The following SUZ12 variants were observed in gnomAD, a reference collection of about 807,000 sequenced individuals.
SUZ12 encodes the protein SUZ12 polycomb repressive complex 2 subunit.
Under a neutral mutation model 87.3 loss-of-function variants are expected in SUZ12, and 17 were observed. The ratio of observed to expected loss-of-function variants is 0.19; its 90% CI spans 0.13 to 0.29. SUZ12 has a LOEUF of 0.29. Among genes scored for constraint, SUZ12 ranks in the 10% least tolerant of loss-of-function variants. The pLI, the probability that SUZ12 is intolerant of heterozygous loss-of-function variation, is 1.00. For synonymous variants in SUZ12, 253 were observed against 312.4 expected (o/e 0.81, Z 2.01); for missense variants, 526 against 912.2 (o/e 0.58, Z 5.45).
At chr17:31,978,711 G>T (rs1042580981) in intron 8 of SUZ12, among the ~76,000 whole-genome samples, 11 of 152,078 alleles carry the variant, frequency 7.2e-5, no homozygotes, top group African/African-American at 2.7e-4. Context: ...CACTGTACCT[G>T]ACACATATGT....
chr17:31,990,771 A>G (rs372830143), intron 10 of SUZ12, among the ~76,000 whole-genome samples: 77 of 151,938 alleles, frequency 5.1e-4, no homozygotes, highest in African/African-American at 1.7e-3. Flanking sequence ...TTTTTGAGAC[A>G]GGGTTTCTCT....
intron 3 of SUZ12, among the ~76,000 whole-genome samples, chr17:31,945,176 G>T (rs1235232177): frequency 6.6e-6 from 1 of 151,640 alleles, no homozygotes; most frequent in Admixed American, 6.6e-5. Context: ...CTCATTTGCT[G>T]TTGTCTTCAG....
intron 4 of SUZ12, among the ~76,000 whole-genome samples, chr17:31,965,239 T>C (rs1489743835): frequency 6.6e-6 from 1 of 152,170 alleles, no homozygotes; most frequent in East Asian, 1.9e-4. Context: ...TCAGTACTGC[T>C]TTCCTTTCCC....
chr17:31,957,895 C>CTT lies in SUZ12; in HGVS notation c.456-8228_456-8227dup, dbSNP rs1181314058. On this transcript the variant is annotated intron_variant, in intron 4 of 15. Transcript: ENST00000322652. The stretch of plus-strand genomic sequence containing the variant: ...ACCTGGCCCTGGCTCACCTTTTGTC[C>CTT]TTTTTTTTTTTTTTTTTTTTTTTTT... 7.4e-4 allele frequency among the ~76,000 whole-genome samples: 68 copies of CTT among 91,330 alleles called. 7 individuals are homozygous for CTT. Among genetic ancestry groups the CTT allele is most frequent in the Admixed American group, 1.1e-3 (9 of 8,104 alleles). 59.9% of individuals were successfully genotyped at this position (91,330 alleles called of 152,430 possible).
In SUZ12 at chr17:31,940,524, A is replaced by G. The variant is rs375353948; in HGVS notation, c.386+38A>G. ...AATCTTATTTCAAGCTGATCAAACCATGTTAGTTTTATTTTAAAGTACTAT... is the reference window on the plus strand; with the variant it reads ...AATCTTATTTCAAGCTGATCAAACCGTGTTAGTTTTATTTTAAAGTACTAT... On this transcript the variant is annotated intron_variant, in intron 3 of 15. Transcript: ENST00000322652. 1.5e-5 allele frequency: 22 copies of G among 1,509,276 alleles called. No homozygotes were observed. In the Admixed American group the frequency reaches 5.2e-4, roughly 36 times the overall value. 93.5% of individuals were successfully genotyped at this position (1,509,276 alleles called of 1,614,324 possible).
rs1422763235 is a variant in SUZ12 at position 32,000,217 on chromosome 17, TA to T, written c.*1217del. On this transcript the variant is annotated 3_prime_UTR_variant, in exon 16 of 16. Transcript: ENST00000322652. ...ATTGCATTTTCATATTCTTTATTTA[TA>T]AAGGATCAATGCTGCTGTAAATACA... 4.3e-6 allele frequency: 1 copy of T among 233,182 alleles called. No individual in the cohort carries two copies. Among genetic ancestry groups the T allele is most frequent in the African/African-American group, 2.2e-5 (1 of 45,342 alleles). 14.4% of individuals were successfully genotyped at this position (233,182 alleles called of 1,614,324 possible). A position where few individuals can be genotyped will look rare whatever the true frequency, so the allele number is the denominator to read the frequency against.
intron 4 of SUZ12, among the ~76,000 whole-genome samples, chr17:31,959,787 T>C (rs894041778): frequency 1.3e-5 from 2 of 152,240 alleles, no homozygotes; most frequent in African/African-American, 4.8e-5. Context: ...TTCAAAGTGT[T>C]AGTCTCTTAT....
intron 5 of SUZ12, chr17:31,967,545 C>T (rs945443711): frequency 6.6e-6 from 1 of 152,136 alleles, no homozygotes; most frequent in African/African-American, 2.4e-5. Context: ...CAGTGGCACT[C>T]CAGCCTGGTG....
chr17:31,956,679 C>A (rs867902559), intron 4 of SUZ12, among the ~76,000 whole-genome samples: 75 of 152,008 alleles, frequency 4.9e-4, no homozygotes, highest in East Asian at 3.1e-3. Flanking sequence ...GCACTTCTCG[C>A]CTAGTATTGT....
At chr17:31,958,057 C>T (rs1330761693) in intron 4 of SUZ12, among the ~76,000 whole-genome samples, 3 of 151,856 alleles carry the variant, frequency 2.0e-5, no homozygotes, top group African/African-American at 7.3e-5. Flanking sequence ...CGCCTGCCAT[C>T]ACGCCCGGCT....
intron 4 of SUZ12, among the ~76,000 whole-genome samples, chr17:31,949,668 C>T: frequency 2.6e-5 from 2 of 75,556 alleles, no homozygotes; most frequent in Non-Finnish European, 5.9e-5. Context: ...CAGCCCCCCC[C>T]CCCCCCCCTT....
Position 31,999,112 on chromosome 17 carries a change from T to G in SUZ12, c.*109T>G, listed in dbSNP as rs143901922. 4.3e-5 allele frequency: 38 copies of G among 883,038 alleles called. No homozygotes were observed. The East Asian group carries it at 1.1e-3, about 25-fold the overall frequency. 54.7% of individuals were successfully genotyped at this position (883,038 alleles called of 1,614,324 possible). A position where few individuals can be genotyped will look rare whatever the true frequency, so the allele number is the denominator to read the frequency against. ...ATCATATGTTCCAAACAGGCACTGTTAGATGAAGTAAATGATTTCAACAAG... is the reference window on the plus strand; with the variant it reads ...ATCATATGTTCCAAACAGGCACTGTGAGATGAAGTAAATGATTTCAACAAG... On this transcript the variant is annotated 3_prime_UTR_variant, in exon 16 of 16. Coordinates refer to ENST00000322652, the MANE Select transcript of SUZ12 (RefSeq NM_015355.4).
At chr17:31,979,014 G>A (rs1444957881) in intron 8 of SUZ12, among the ~76,000 whole-genome samples, 2 of 149,142 alleles carry the variant, frequency 1.3e-5, no homozygotes, top group Non-Finnish European at 3.0e-5. Context: ...GCTGAGGCAG[G>A]AGAATCGCTT....
intron 3 of SUZ12, among the ~76,000 whole-genome samples, chr17:31,946,035 A>T (rs189820943): frequency 5.3e-5 from 8 of 152,080 alleles, no homozygotes; most frequent in African/African-American, 1.9e-4. Flanking sequence ...ACTATACTCT[A>T]TTGGATGAAA....
intron 10 of SUZ12, among the ~76,000 whole-genome samples, chr17:31,990,147 GGA>G (rs1909646877): frequency 1.9e-4 from 9 of 48,164 alleles, no homozygotes; most frequent in African/African-American, 4.2e-4. Flanking sequence ...TTTTTTTTTT[GGA>G]TTTTTAGTAG....
At chr17:31,966,125 A>G in intron 4 of SUZ12, 22 bp from the exon 5 acceptor site, 2 of 1,516,492 alleles carry the variant, frequency 1.3e-6, no homozygotes, top group Non-Finnish European at 1.8e-6. Context: ...ATGATAAAAT[A>G]TTTCCTTTTT....
At chr17:31,982,184 A>G (rs1302983728) in intron 8 of SUZ12, among the ~76,000 whole-genome samples, 1 of 152,212 alleles carries the variant, frequency 6.6e-6, no homozygotes, top group African/African-American at 2.4e-5. Context: ...TTGAGCACCT[A>G]TATGTGCCAG....
At chr17:31,981,337 C>T (rs1481546222) in intron 8 of SUZ12, among the ~76,000 whole-genome samples, 1 of 152,128 alleles carries the variant, frequency 6.6e-6, no homozygotes, top group African/African-American at 2.4e-5. Flanking sequence ...GGTTCTTAAA[C>T]AATTAAAACG....
Position 31,994,543 on chromosome 17 carries a change from T to C in SUZ12, c.1438-21T>C, listed in dbSNP as rs776515412. 1.9e-6 allele frequency: 3 copies of C among 1,566,960 alleles called. No individual in the cohort carries two copies. In the South Asian group the frequency reaches 3.6e-5, roughly 19 times the overall value. On this transcript the variant is annotated intron_variant, in intron 12 of 15. Transcript: ENST00000322652. The stretch of plus-strand genomic sequence containing the variant: ...AGGATAGGATACTTAATATATTTTT[T>C]TTTTTACATTTTTGTTGCAGTATCA...
Sources: allele counts gnomAD v4.1 joint callset (sites outside exome capture counted in the v4.1 genomes callset), GRCh38; gene constraint gnomAD v4.1.1; transcripts MANE v1.5; gene names NCBI Gene and HGNC (gene_info 2026-07-23, HGNC 2026-07-21).